Variants in SEMA5A observed in about 807,000 individuals in gnomAD.
SEMA5A encodes semaphorin-5A.
SEMA5A carries 55 observed loss-of-function variants against 135.5 expected under a neutral mutation model. The ratio of observed to expected loss-of-function variants is 0.41; its 90% CI spans 0.33 to 0.51. The LOEUF (loss-of-function observed/expected upper bound fraction) is 0.51. Among genes scored for constraint, SEMA5A ranks in the 20% least tolerant of loss-of-function variants. The pLI, the probability that SEMA5A is intolerant of heterozygous loss-of-function variation, is 0.37. For missense variants in SEMA5A, 1,290 were observed against 1,419.9 expected, an observed-to-expected ratio of 0.91 and a Z score of 1.47; for synonymous variants, 580 against 546.5, an observed-to-expected ratio of 1.06 and a Z score of -0.85.
intron 13 of SEMA5A, among the ~76,000 whole-genome samples, chr5:9,125,275 A>C (rs1271157390): frequency 1.3e-5 from 2 of 152,312 alleles, no homozygotes; most frequent in African/African-American, 4.8e-5. Context: ...CTATGTAAGA[A>C]ACTGTGGCAA....
At chr5:9,381,260 G>A (rs1473682777) in intron 2 of SEMA5A, among the ~76,000 whole-genome samples, 1 of 152,214 alleles carries the variant, frequency 6.6e-6, no homozygotes, top group African/African-American at 2.4e-5. Context: ...CAATTGTTAA[G>A]AAGAGAAATA....
At chr5:9,061,237 T>C (rs1372886575) in intron 18 of SEMA5A, among the ~76,000 whole-genome samples, 2 of 152,148 alleles carry the variant, frequency 1.3e-5, no homozygotes, top group East Asian at 1.9e-4. Flanking sequence ...CATCTGTGTA[T>C]ACCCTGTAAA....
intron 2 of SEMA5A, among the ~76,000 whole-genome samples, chr5:9,420,279 CT>C (rs897106877): frequency 2.6e-5 from 4 of 152,058 alleles, no homozygotes; most frequent in African/African-American, 9.7e-5. Flanking sequence ...TGCAACACCC[CT>C]GGAATAAAAA....
chr5:9,279,996 C>T (rs1454654798), intron 5 of SEMA5A, among the ~76,000 whole-genome samples: 1 of 152,126 alleles, frequency 6.6e-6, no homozygotes, highest in Non-Finnish European at 1.5e-5. Context: ...ATTAACTATC[C>T]AGCCCTTTCC....
chr5:9,271,175 C>G (rs1749955031), intron 5 of SEMA5A, among the ~76,000 whole-genome samples: 1 of 152,092 alleles, frequency 6.6e-6, no homozygotes, highest in Non-Finnish European at 1.5e-5. Context: ...GTGGCACTCC[C>G]CCGTTTACTT....
chr5:9,276,388 A>G (rs577913958), intron 5 of SEMA5A, among the ~76,000 whole-genome samples: 6 of 152,214 alleles, frequency 3.9e-5, no homozygotes, highest in Non-Finnish European at 5.9e-5. Context: ...TACTGCCCAA[A>G]GTAATTTATA....
intron 3 of SEMA5A, among the ~76,000 whole-genome samples, chr5:9,376,803 C>T (rs115808304): frequency 0.02 from 2,985 of 152,172 alleles, 50 homozygotes; most frequent in South Asian, 0.053. Context: ...GCAGGAAAGG[C>T]GGCAGAGAAA....
intron 16 of SEMA5A, among the ~76,000 whole-genome samples, chr5:9,077,002 T>C (rs1031869080): frequency 6.6e-6 from 1 of 152,128 alleles, no homozygotes; most frequent in Non-Finnish European, 1.5e-5. Flanking sequence ...GGCACAGGCC[T>C]TTGAACATGA....
At chr5:9,198,764 G>A (rs1288672546) in intron 9 of SEMA5A, among the ~76,000 whole-genome samples, 1 of 152,164 alleles carries the variant, frequency 6.6e-6, no homozygotes, top group Admixed American at 6.5e-5. Flanking sequence ...GAAGAAACTG[G>A]CCTTTGAACA....
intron 16 of SEMA5A, among the ~76,000 whole-genome samples, chr5:9,088,301 T>C (rs1410672582): frequency 9.0e-6 from 1 of 111,704 alleles, no homozygotes; most frequent in Non-Finnish European, 1.7e-5. Flanking sequence ...AGACTCCATC[T>C]CAAAAAAAAA....
chr5:9,051,048 T>G (rs2150042005), intron 20 of SEMA5A, among the ~76,000 whole-genome samples: 1 of 152,374 alleles, frequency 6.6e-6, no homozygotes, highest in South Asian at 2.1e-4. Flanking sequence ...AACACCATTC[T>G]TTCCTGTACT....
intron 6 of SEMA5A, among the ~76,000 whole-genome samples, chr5:9,229,355 G>A (rs555109448): frequency 2.0e-5 from 3 of 152,264 alleles, no homozygotes; most frequent in Admixed American, 2.0e-4. Flanking sequence ...GAAGGGTCAG[G>A]AGAGTTCTAA....
At chr5:9,357,379 T>C (rs1754498297) in intron 3 of SEMA5A, among the ~76,000 whole-genome samples, 1 of 152,182 alleles carries the variant, frequency 6.6e-6, no homozygotes, top group East Asian at 1.9e-4. Flanking sequence ...TCAAGCTAAT[T>C]GCATATGGTC....
intron 2 of SEMA5A, 181 bp from the exon 3 acceptor site, chr5:9,380,204 A>G (rs1755538181): frequency 2.2e-6 from 1 of 452,904 alleles, no homozygotes; most frequent in African/African-American, 1.9e-5. Context: ...GTATGAATGC[A>G]TGCGTGAGTG....
At chr5:9,262,855 C>A (rs1749465782) in intron 5 of SEMA5A, among the ~76,000 whole-genome samples, 1 of 122,936 alleles carries the variant, frequency 8.1e-6, no homozygotes, top group Non-Finnish European at 1.6e-5. Context: ...ATGTAACTAA[C>A]CTGCACAATG....
intron 4 of SEMA5A, among the ~76,000 whole-genome samples, chr5:9,319,589 C>T (rs1370167226): frequency 2.0e-5 from 3 of 151,830 alleles, no homozygotes; most frequent in African/African-American, 2.4e-5. Flanking sequence ...GAAGATGGGG[C>T]GGGGATGTGC....
intron 5 of SEMA5A, among the ~76,000 whole-genome samples, chr5:9,276,168 C>A (rs1354271185): frequency 6.6e-6 from 1 of 151,894 alleles, no homozygotes; most frequent in Non-Finnish European, 1.5e-5. Context: ...ACACCAATAA[C>A]AGACAAACAG....
intron 5 of SEMA5A, among the ~76,000 whole-genome samples, chr5:9,253,999 TC>T (rs1183308489): frequency 6.6e-6 from 1 of 152,220 alleles, no homozygotes; most frequent in East Asian, 1.9e-4. Context: ...ATGTTTAATA[TC>T]AATAGATTCA....
chr5:9,341,191 CACACACACACACAT>C lies in SEMA5A; in HGVS notation c.125-3393_125-3380del, dbSNP rs1426333786. ...AAAAAAAAAATCACACACATACAAA[CACACACACACACAT>C]ACACACACACACACACACACATACA... On this transcript the variant is annotated intron_variant, in intron 3 of 22. Transcript: ENST00000382496. Among the ~76,000 whole-genome samples, 19 of 149,022 alleles carry C rather than the reference CACACACACACACAT, an allele frequency of 1.3e-4. 1 individual carries two copies. Among genetic ancestry groups the C allele is most frequent in the Admixed American group, 8.7e-4 (13 of 14,980 alleles).
Sources: gnomAD v4.1 joint callset for allele counts (sites outside exome capture counted in the v4.1 genomes callset) on GRCh38, gnomAD v4.1.1 for gene constraint, MANE v1.5 for transcripts, NCBI Gene and HGNC (gene_info 2026-07-23, HGNC 2026-07-21) for gene names.